The following SBSPON variants were observed in gnomAD, a reference collection of about 807,000 sequenced individuals.
SBSPON encodes somatomedin-B and thrombospondin type-1 domain-containing protein.
SBSPON carries 30 observed loss-of-function variants against 35.8 expected under a neutral mutation model. The ratio of observed to expected loss-of-function variants is 0.84; its 90% CI spans 0.63 to 1.14. The LOEUF is 1.14. SBSPON is among the 50% of genes most tolerant of loss of function. The pLI, the probability that SBSPON is intolerant of heterozygous loss-of-function variation, is 0.00. For missense variants in SBSPON, 364 were observed against 357.7 expected, an observed-to-expected ratio of 1.02 and a Z score of -0.14; for synonymous variants, 136 against 135.9, an observed-to-expected ratio of 1.00 and a Z score of 0.00.
chr8:73,071,264 G>A (rs1261460483), intron 3 of SBSPON, among the ~76,000 whole-genome samples: 1 of 152,204 alleles, frequency 6.6e-6, no homozygotes, highest in Non-Finnish European at 1.5e-5. Context: ...GGTGGAACAA[G>A]TTGTTCAAGG....
chr8:73,071,440 T>G (rs1810490441), intron 3 of SBSPON, among the ~76,000 whole-genome samples: 2 of 152,188 alleles, frequency 1.3e-5, no homozygotes, highest in South Asian at 4.1e-4. Flanking sequence ...CACTTTCAAA[T>G]TCACCAAACA....
intron 1 of SBSPON, among the ~76,000 whole-genome samples, chr8:73,081,464 C>G (rs911345140): frequency 2.0e-5 from 3 of 152,164 alleles, no homozygotes; most frequent in Non-Finnish European, 2.9e-5. Flanking sequence ...AAATGTGGGT[C>G]TGATCCAGGG....
intron 1 of SBSPON, among the ~76,000 whole-genome samples, chr8:73,086,457 C>T (rs1298230134): frequency 1.3e-5 from 2 of 152,082 alleles, no homozygotes; most frequent in African/African-American, 4.8e-5. Flanking sequence ...CCACCGTGCC[C>T]GGCCATCATC....
At chr8:73,091,416 C>T (rs190686568) in intron 1 of SBSPON, among the ~76,000 whole-genome samples, 122 of 152,336 alleles carry the variant, frequency 8.0e-4, no homozygotes, top group Middle Eastern at 3.4e-3. Flanking sequence ...GCAGAGACTG[C>T]ATCTTTGTCA....
Position 73,066,920 on chromosome 8 carries a change from A to T in SBSPON, c.*421T>A, listed in dbSNP as rs1810396212. The T allele has an allele frequency of 1.3e-5, 2 of 157,758 alleles. No individual in the cohort carries two copies. The highest frequency in any genetic ancestry group is 2.8e-5 in the Non-Finnish European group (2 of 70,948). The allele number at this position is 157,758 out of a possible 1,614,324, so 9.8% of individuals were successfully genotyped here. A position where few individuals can be genotyped will look rare whatever the true frequency, so the allele number is the denominator to read the frequency against. On this transcript the variant is annotated 3_prime_UTR_variant, in exon 5 of 5. Transcript: ENST00000297354. ...GTGTAGAGTGTGCATACCTGTATAC[A>T]TGTTTTAAAGTGAGAAACTTTTAAA...
chr8:73,074,127 T>C (rs1203029318), intron 2 of SBSPON, among the ~76,000 whole-genome samples: 1 of 152,178 alleles, frequency 6.6e-6, no homozygotes, highest in African/African-American at 2.4e-5. Context: ...GAAGAATCAA[T>C]TTACTGCTAA....
chr8:73,071,547 A>G (rs1162047630), intron 3 of SBSPON, among the ~76,000 whole-genome samples: 1 of 152,186 alleles, frequency 6.6e-6, no homozygotes, highest in Non-Finnish European at 1.5e-5. Context: ...TCATTTGTAT[A>G]TAGTTTGTTT....
chr8:73,080,696 T>A (rs527707266), intron 2 of SBSPON, among the ~76,000 whole-genome samples: 2 of 152,218 alleles, frequency 1.3e-5, no homozygotes, highest in African/African-American at 4.8e-5. Flanking sequence ...CTATCTAAAG[T>A]CCTTTATCAC....
chr8:73,075,007 C>T (rs1277099095), intron 2 of SBSPON, among the ~76,000 whole-genome samples: 1 of 152,198 alleles, frequency 6.6e-6, no homozygotes, highest in African/African-American at 2.4e-5. Context: ...AGCACAGAAG[C>T]TATCTTCTGA....
intron 1 of SBSPON, 72 bp downstream of exon 1, chr8:73,092,782 C>T: frequency 1.6e-6 from 2 of 1,251,640 alleles, no homozygotes; most frequent in Admixed American, 1.9e-5. Context: ...AGGTCCTTGG[C>T]ACAGCGCCCT....
chr8:73,071,713 C>A, intron 3 of SBSPON, 67 bp downstream of exon 3: 1 of 894,362 alleles, frequency 1.1e-6, no homozygotes, highest in South Asian at 1.6e-5. Context: ...CCAAGTTGAC[C>A]CTCTTGCATT....
chr8:73,090,066 T>C (rs948983438), intron 1 of SBSPON, among the ~76,000 whole-genome samples: 1 of 152,154 alleles, frequency 6.6e-6, no homozygotes, highest in African/African-American at 2.4e-5. Flanking sequence ...TTAGTAGAAA[T>C]AGGGTTTCGC....
At position 73,066,471 on chromosome 8, in the gene SBSPON, CATT is replaced by C. The variant is rs1810389197; in HGVS notation, c.*867_*869del. On this transcript the variant is annotated 3_prime_UTR_variant, in exon 5 of 5. Coordinates refer to ENST00000297354, the MANE Select transcript of SBSPON (RefSeq NM_153225.4). ...TAACCGACACACCATCCACCCCAAA[CATT>C]AGAAAATGCATGCGGTAGGAAAAAA... 1.3e-5 allele frequency: 2 copies of C among 152,248 alleles called. No homozygotes were observed. The highest frequency in any genetic ancestry group is 1.3e-4 in the Admixed American group (2 of 15,292). The allele number at this position is 152,248 out of a possible 1,614,324, so 9.4% of individuals were successfully genotyped here. A position where few individuals can be genotyped will look rare whatever the true frequency, so the allele number is the denominator to read the frequency against.
intron 1 of SBSPON, among the ~76,000 whole-genome samples, chr8:73,087,717 C>A (rs1322076134): frequency 6.6e-6 from 1 of 152,154 alleles, no homozygotes; most frequent in Non-Finnish European, 1.5e-5. Flanking sequence ...CCTAGACTCT[C>A]CATAAATCTA....
At chr8:73,074,193 G>A in intron 2 of SBSPON, among the ~76,000 whole-genome samples, 1 of 152,120 alleles carries the variant, frequency 6.6e-6, no homozygotes, top group East Asian at 1.9e-4. Flanking sequence ...CTTTAGCTCA[G>A]ATATTTATGT....
rs1225433247 is a variant in SBSPON, at chr8:73,065,924, A to T, written c.*1417T>A. On this transcript the variant is annotated 3_prime_UTR_variant, in exon 5 of 5. Transcript: ENST00000297354. ...GATGAGACTCACATATTTTATTATT[A>T]ATTTCTGAAGAATTTAATTTTCCAC... is the stretch of plus-strand genomic sequence containing the variant. The T allele has an allele frequency of 1.3e-5, 2 of 152,194 alleles. No homozygotes were observed. Among genetic ancestry groups the T allele is most frequent in the Non-Finnish European group, 2.9e-5 (2 of 68,032 alleles). 9.4% of individuals were successfully genotyped at this position (152,194 alleles called of 1,614,324 possible). A position where few individuals can be genotyped will look rare whatever the true frequency, so the allele number is the denominator to read the frequency against.
chr8:73,079,827 C>T (rs900970515), intron 2 of SBSPON, among the ~76,000 whole-genome samples: 1 of 152,162 alleles, frequency 6.6e-6, no homozygotes, highest in African/African-American at 2.4e-5. Flanking sequence ...GCAGGCTCCA[C>T]ATCAACTTTT....
At chr8:73,091,182 T>C (rs571756483) in intron 1 of SBSPON, among the ~76,000 whole-genome samples, 5 of 152,308 alleles carry the variant, frequency 3.3e-5, no homozygotes, top group African/African-American at 9.6e-5. Flanking sequence ...GACTGTGACA[T>C]TGGGCTTCCC....
chr8:73,079,162 A>G (rs1338834688), intron 2 of SBSPON, among the ~76,000 whole-genome samples: 1 of 151,982 alleles, frequency 6.6e-6, no homozygotes, highest in Admixed American at 6.6e-5. Flanking sequence ...CACACCTGTG[A>G]AACTATACCC....
Sources: gnomAD v4.1 joint callset for allele counts (sites outside exome capture counted in the v4.1 genomes callset) on GRCh38, gnomAD v4.1.1 for gene constraint, MANE v1.5 for transcripts, NCBI Gene and HGNC (gene_info 2026-07-23, HGNC 2026-07-21) for gene names.